TMEM154: variants seen among roughly 807,000 people sequenced by gnomAD.
TMEM154 encodes transmembrane protein 154.
Under a neutral mutation model 24.5 loss-of-function variants are expected in TMEM154, and 27 were observed. That is an observed-to-expected ratio of 1.10 (90% CI 0.81 to 1.52). TMEM154 has a LOEUF of 1.52. Ranked by LOEUF, TMEM154 falls within the 40% of genes most tolerant of loss-of-function variation. TMEM154 has a pLI of 0.00. For synonymous variants in TMEM154, 67 were observed against 76.8 expected (o/e 0.87, Z 0.67); for missense variants, 228 against 213.4 (o/e 1.07, Z -0.43).
At chr4:152,656,190 G>T (rs914898740) in intron 1 of TMEM154, among the ~76,000 whole-genome samples, 2 of 152,108 alleles carry the variant, frequency 1.3e-5, no homozygotes, top group African/African-American at 4.8e-5. Context: ...CCAGCGTGTT[G>T]TCCTACCACT....
chr4:152,640,863 C>T (rs1298022728), intron 6 of TMEM154, 65 bp downstream of exon 6: 2 of 1,388,808 alleles, frequency 1.4e-6, no homozygotes, highest in Admixed American at 1.8e-5. Context: ...AAGTGTTCCA[C>T]CCTGGTTCCC....
At chr4:152,640,224 G>A (rs1465134960) in intron 6 of TMEM154, among the ~76,000 whole-genome samples, 1 of 152,116 alleles carries the variant, frequency 6.6e-6, no homozygotes, top group Non-Finnish European at 1.5e-5. Context: ...GGGTGTCCAT[G>A]AGTGTTTGCT....
chr4:152,627,366 C>G lies in TMEM154; in HGVS notation c.*1180G>C, dbSNP rs1484688693. 6.6e-6 allele frequency: 1 copy of G among 152,144 alleles called. No homozygotes were observed. Among genetic ancestry groups the G allele is most frequent in the South Asian group, 2.1e-4 (1 of 4,834 alleles). The allele number at this position is 152,144 out of a possible 1,614,324, so 9.4% of individuals were successfully genotyped here. A position where few individuals can be genotyped will look rare whatever the true frequency, so the allele number is the denominator to read the frequency against. On this transcript the variant is annotated 3_prime_UTR_variant, in exon 7 of 7. Coordinates refer to ENST00000304385, the MANE Select transcript of TMEM154 (RefSeq NM_152680.3). ...TAAAATATCAGGTATCCAAGGAGAGCTGAGGATTCTCAATTTGCTAGATTG... is the reference window on the plus strand; with the variant it reads ...TAAAATATCAGGTATCCAAGGAGAGGTGAGGATTCTCAATTTGCTAGATTG...
chr4:152,671,843 A>T (rs1338950447), intron 1 of TMEM154, among the ~76,000 whole-genome samples: 3 of 151,160 alleles, frequency 2.0e-5, no homozygotes, highest in African/African-American at 7.3e-5. Context: ...ATTGTTTTGG[A>T]ACTGAGTTTA....
At chr4:152,636,190 A>T (rs900247492) in intron 6 of TMEM154, among the ~76,000 whole-genome samples, 31 of 152,338 alleles carry the variant, frequency 2.0e-4, no homozygotes, top group African/African-American at 7.0e-4. Context: ...TTCTACACAG[A>T]AGTTAAAACA....
At chr4:152,655,812 G>A (rs1728479758) in intron 1 of TMEM154, among the ~76,000 whole-genome samples, 2 of 152,162 alleles carry the variant, frequency 1.3e-5, no homozygotes, top group Non-Finnish European at 2.9e-5. Context: ...TGCAGTAGCA[G>A]GCAGCAGTGT....
In TMEM154 at chr4:152,624,465, G is replaced by A. The variant is rs1035609545; in HGVS notation, c.*4081C>T. ...AGATACAAAAAATTAGCCAGTCCTA[G>A]TAGTGCACACCAGTAGTCCCAGCTA... On this transcript the variant is annotated 3_prime_UTR_variant, in exon 7 of 7. Coordinates refer to ENST00000304385, the MANE Select transcript of TMEM154 (RefSeq NM_152680.3). The A allele has an allele frequency of 1.1e-4, 17 of 152,200 alleles. No homozygotes were observed. The highest frequency in any genetic ancestry group is 1.9e-4 in the African/African-American group (8 of 41,488). The allele number at this position is 152,200 out of a possible 1,614,324, so 9.4% of individuals were successfully genotyped here.
Position 152,628,211 on chromosome 4 carries a change from C to A in TMEM154, c.*335G>T. 2.8e-6 allele frequency: 1 copy of A among 360,740 alleles called. No individual in the cohort carries two copies. Among genetic ancestry groups the A allele is most frequent in the Admixed American group, 4.3e-5 (1 of 23,012 alleles). 22.3% of individuals were successfully genotyped at this position (360,740 alleles called of 1,614,324 possible). On this transcript the variant is annotated 3_prime_UTR_variant, in exon 7 of 7. Coordinates refer to ENST00000304385, the MANE Select transcript of TMEM154 (RefSeq NM_152680.3). ...AAGCAGAAAGGTGACGAACATTTAT[C>A]ATGACCAGAGTGAGTTCAGTGAGCT... is the stretch of plus-strand genomic sequence containing the variant.
chr4:152,674,875 GC>G (rs952590543), intron 1 of TMEM154, among the ~76,000 whole-genome samples: 1 of 152,130 alleles, frequency 6.6e-6, no homozygotes, highest in Admixed American at 6.5e-5. Flanking sequence ...GGGAGGCAAG[GC>G]CAGGTGCGGT....
At position 152,628,235 on chromosome 4, in the gene TMEM154, C is replaced by T; in HGVS notation, c.*311G>A. On this transcript the variant is annotated 3_prime_UTR_variant, in exon 7 of 7. Transcript: ENST00000304385. Reference sequence around the variant, plus strand: ...TCATGACCAGAGTGAGTTCAGTGAGCTAGAAGTTGGCTGAGAGGAGGCAAC... The same window carrying T: ...TCATGACCAGAGTGAGTTCAGTGAGTTAGAAGTTGGCTGAGAGGAGGCAAC... 1 of 460,200 alleles carries T rather than the reference C, an allele frequency of 2.2e-6. No homozygotes were observed. Among genetic ancestry groups the T allele is most frequent in the Non-Finnish European group, 3.8e-6 (1 of 260,402 alleles). 28.5% of individuals were successfully genotyped at this position (460,200 alleles called of 1,614,324 possible).
At chr4:152,673,147 T>C (rs2149791246) in intron 1 of TMEM154, among the ~76,000 whole-genome samples, 1 of 152,352 alleles carries the variant, frequency 6.6e-6, no homozygotes, top group South Asian at 2.1e-4. Context: ...TTACTGTGTA[T>C]CATTCCCACT....
intron 1 of TMEM154, among the ~76,000 whole-genome samples, chr4:152,677,400 C>T (rs1362949094): frequency 1.3e-5 from 2 of 152,300 alleles, no homozygotes; most frequent in East Asian, 3.9e-4. Context: ...TCAGGCCCTT[C>T]AGTAGGTTGG....
chr4:152,667,889 G>C (rs551829985), intron 1 of TMEM154, among the ~76,000 whole-genome samples: 8 of 152,238 alleles, frequency 5.3e-5, no homozygotes, highest in Admixed American at 3.9e-4. Flanking sequence ...GAAATTACTC[G>C]TTAGGGTTTG....
intron 1 of TMEM154, among the ~76,000 whole-genome samples, chr4:152,662,572 C>T (rs1419659553): frequency 6.6e-6 from 1 of 150,712 alleles, no homozygotes; most frequent in Admixed American, 6.7e-5. Context: ...CCAAAGGCCA[C>T]AAAAGTATGG....
At chr4:152,662,883 C>T (rs1277768813) in intron 1 of TMEM154, among the ~76,000 whole-genome samples, 1 of 152,164 alleles carries the variant, frequency 6.6e-6, no homozygotes, top group Non-Finnish European at 1.5e-5. Context: ...AGGGGTACTT[C>T]CCTGTGCTGC....
intron 3 of TMEM154, among the ~76,000 whole-genome samples, chr4:152,651,298 G>A (rs999875753): frequency 2.3e-4 from 35 of 151,734 alleles, no homozygotes; most frequent in African/African-American, 6.1e-4. Context: ...GATTACAGGC[G>A]TGAGCCACCA....
rs932941697 is a variant in TMEM154, at chr4:152,624,753, G to T, written c.*3793C>A. 6.6e-6 allele frequency: 1 copy of T among 152,216 alleles called. No individual in the cohort carries two copies. The highest frequency in any genetic ancestry group is 1.5e-5 in the Non-Finnish European group (1 of 68,048). 9.4% of individuals were successfully genotyped at this position (152,216 alleles called of 1,614,324 possible). A position where few individuals can be genotyped will look rare whatever the true frequency, so the allele number is the denominator to read the frequency against. On this transcript the variant is annotated 3_prime_UTR_variant, in exon 7 of 7. Coordinates refer to ENST00000304385, the MANE Select transcript of TMEM154 (RefSeq NM_152680.3). ...TAATAATTCAGGCAATTGGTTGTCT[G>T]GGTTCTGCAATTTGAAATATTCCAC...
At chr4:152,639,235 G>T (rs571514479) in intron 6 of TMEM154, among the ~76,000 whole-genome samples, 140 of 152,292 alleles carry the variant, frequency 9.2e-4, no homozygotes, top group African/African-American at 3.2e-3. Context: ...ACAGGCATGA[G>T]CCACATTGCC....
At chr4:152,668,532 G>C (rs1197002521) in intron 1 of TMEM154, 2 of 152,126 alleles carry the variant, frequency 1.3e-5, no homozygotes, top group African/African-American at 4.8e-5. Flanking sequence ...CATTCCATAG[G>C]TGAAGAGCTC....
Sources: gnomAD v4.1 joint callset for allele counts (sites outside exome capture counted in the v4.1 genomes callset) on GRCh38, gnomAD v4.1.1 for gene constraint, MANE v1.5 for transcripts, NCBI Gene and HGNC (gene_info 2026-07-23, HGNC 2026-07-21) for gene names.